The following EI24 variants were observed in gnomAD, a reference collection of about 807,000 sequenced individuals.
EI24 encodes etoposide-induced protein 2.4 homolog.
EI24 carries 21 observed loss-of-function variants against 48.6 expected under a neutral mutation model. That is an observed-to-expected ratio of 0.43 (90% CI 0.31 to 0.62). The LOEUF is 0.62. Among genes scored for constraint, EI24 ranks in the 20% least tolerant of loss-of-function variants. The pLI, the probability that EI24 is intolerant of heterozygous loss-of-function variation, is 0.10. For missense variants in EI24, 280 were observed against 410.5 expected, an observed-to-expected ratio of 0.68 and a Z score of 2.75; for synonymous variants, 114 against 145.5, an observed-to-expected ratio of 0.78 and a Z score of 1.56.
At chr11:125,580,018 G>C in intron 7 of EI24, 75 bp from the exon 8 acceptor site, 2 of 1,178,922 alleles carry the variant, frequency 1.7e-6, no homozygotes, top group Non-Finnish European at 2.5e-6. Context: ...CTCAGACAGT[G>C]ATTGGAGAGT....
intron 10 of EI24, among the ~76,000 whole-genome samples, chr11:125,583,320 A>G (rs1939092121): frequency 1.3e-5 from 2 of 152,208 alleles, no homozygotes; most frequent in Admixed American, 6.5e-5. Flanking sequence ...CTGGGATTAC[A>G]GGTATGAGGC....
chr11:125,583,455 T>C (rs1425356722), intron 10 of EI24, 66 bp from the exon 11 acceptor site: 38 of 1,335,664 alleles, frequency 2.8e-5, no homozygotes, highest in Non-Finnish European at 3.5e-5. Context: ...TAATGTCAAG[T>C]TGTCAAACAA....
intron 4 of EI24, among the ~76,000 whole-genome samples, chr11:125,576,959 G>A (rs185919157): frequency 2.6e-5 from 4 of 152,212 alleles, no homozygotes; most frequent in Admixed American, 6.5e-5. Flanking sequence ...TACTTGAAAT[G>A]TTCCTGTATG....
chr11:125,575,651 TC>T (rs541779656), intron 3 of EI24, among the ~76,000 whole-genome samples: 85 of 152,316 alleles, frequency 5.6e-4, no homozygotes, highest in African/African-American at 2.0e-3. Flanking sequence ...GATAGATACT[TC>T]TAGGGAAGCC....
chr11:125,575,319 C>T lies in EI24; in HGVS notation c.99C>T (p.Ile33=). Residue 33 remains isoleucine, a synonymous_variant, in exon 3 of 11, where the codon ATC becomes ATT. Transcript: ENST00000278903. ...ICTISKLDAR[I]QQKREEQRRR... Reference sequence around the variant, plus strand: ...CCATCTCAAAGCTAGATGCTCGAATCCAGCAAAAGAGAGAGGAGCAGCGTC... The same window carrying T: ...CCATCTCAAAGCTAGATGCTCGAATTCAGCAAAAGAGAGAGGAGCAGCGTC... The T allele has an allele frequency of 6.4e-7, 1 of 1,566,226 alleles. No homozygotes were observed. Among genetic ancestry groups the T allele is most frequent in the East Asian group, 2.4e-5 (1 of 42,124 alleles).
In EI24 at chr11:125,583,997, T is replaced by C. The variant is rs1591363113; in HGVS notation, c.*314T>C. On this transcript the variant is annotated 3_prime_UTR_variant, in exon 11 of 11. Coordinates refer to ENST00000278903, the MANE Select transcript of EI24 (RefSeq NM_004879.5). ...ACACTTTGTTTTTCTCCCTGTGCCA[T>C]TTACCCTTCCACCTTTCCATCCTGC... 3.3e-6 allele frequency: 1 copy of C among 305,736 alleles called. No individual in the cohort carries two copies. Among genetic ancestry groups the C allele is most frequent in the Non-Finnish European group, 6.2e-6 (1 of 160,620 alleles). The allele number at this position is 305,736 out of a possible 1,614,324, so 18.9% of individuals were successfully genotyped here.
At position 125,579,663 on chromosome 11, in the gene EI24, CT is replaced by C. The variant is rs1938910178; in HGVS notation, c.562-429del. 2.6e-5 allele frequency among the ~76,000 whole-genome samples: 4 copies of C among 152,138 alleles called. No individual in the cohort carries two copies. In the South Asian group the frequency reaches 8.3e-4, roughly 32 times the overall value. On this transcript the variant is annotated intron_variant, in intron 7 of 10. Coordinates refer to ENST00000278903, the MANE Select transcript of EI24 (RefSeq NM_004879.5). Reference sequence around the variant, plus strand: ...GCCTGGGCGACAAGAGCAAAACTGTCTCAAAAATAAATAAATAAATAAAAGA... The same window carrying C: ...GCCTGGGCGACAAGAGCAAAACTGTCCAAAAATAAATAAATAAATAAAAGA...
intron 1 of EI24, 146 bp downstream of exon 1, chr11:125,569,719 G>A (rs1938458736): frequency 3.2e-6 from 1 of 317,328 alleles, no homozygotes; most frequent in South Asian, 1.6e-4. Flanking sequence ...CGGAGGGAGC[G>A]GGACGGGGCC....
intron 3 of EI24, 66 bp downstream of exon 3, chr11:125,575,474 T>G (rs1938702510): frequency 2.8e-6 from 4 of 1,417,164 alleles, no homozygotes; most frequent in Non-Finnish European, 3.7e-6. Context: ...TGACTTGATG[T>G]TTCAGTGCCA....
intron 10 of EI24, among the ~76,000 whole-genome samples, chr11:125,582,876 G>A (rs1398559664): frequency 6.6e-6 from 1 of 152,148 alleles, no homozygotes; most frequent in African/African-American, 2.4e-5. Flanking sequence ...ACAGCTCACT[G>A]TTTATCTTAA....
At position 125,583,960 on chromosome 11, in the gene EI24, G is replaced by C; in HGVS notation, c.*277G>C. The C allele has an allele frequency of 2.3e-6, 1 of 426,148 alleles. No homozygotes were observed. Among genetic ancestry groups the C allele is most frequent in the East Asian group, 5.0e-5 (1 of 19,932 alleles). The allele number at this position is 426,148 out of a possible 1,614,324, so 26.4% of individuals were successfully genotyped here. A position where few individuals can be genotyped will look rare whatever the true frequency, so the allele number is the denominator to read the frequency against. ...CTAGCATTTGCCAGTCCCTGTGCCT[G>C]GACTGATTGGAACACTTTGTTTTTC... On this transcript the variant is annotated 3_prime_UTR_variant, in exon 11 of 11. Transcript: ENST00000278903.
At chr11:125,576,228 A>G in intron 3 of EI24, 27 bp from the exon 4 acceptor site, 1 of 1,606,846 alleles carries the variant, frequency 6.2e-7, no homozygotes. Flanking sequence ...TATGCTTTAT[A>G]AACTAAATAC....
chr11:125,581,324 T>C lies in EI24; in HGVS notation c.785+2T>C. On this transcript the variant is annotated splice_donor_variant, in intron 9 of 10. Transcript: ENST00000278903. LOFTEE classifies it high-confidence loss of function. ...AATGCAGTCCTCATATATTATCAGG[T>C]AATTTGGCTACAGGGATTTGAAGGA... is the stretch of plus-strand genomic sequence containing the variant. 1 of 1,586,898 alleles carries C rather than the reference T, an allele frequency of 6.3e-7. No homozygotes were observed. The highest frequency in any genetic ancestry group is 8.6e-7 in the Non-Finnish European group (1 of 1,160,276).
chr11:125,576,643 G>T (rs952903279), intron 4 of EI24, among the ~76,000 whole-genome samples: 1 of 152,210 alleles, frequency 6.6e-6, no homozygotes, highest in Non-Finnish European at 1.5e-5. Flanking sequence ...GACTCGGGAA[G>T]GGCAGATACG....
chr11:125,570,995 C>G (rs1938513921), intron 1 of EI24, among the ~76,000 whole-genome samples: 3 of 152,176 alleles, frequency 2.0e-5, no homozygotes, highest in Admixed American at 2.0e-4. Context: ...ACCCTAGAGA[C>G]TTCTATCCGA....
At chr11:125,577,024 G>A (rs903106273) in intron 4 of EI24, among the ~76,000 whole-genome samples, 8 of 152,114 alleles carry the variant, frequency 5.3e-5, no homozygotes, top group Non-Finnish European at 1.2e-4. Context: ...CTCTCAATTG[G>A]AGTGTTGGGA....
intron 8 of EI24, among the ~76,000 whole-genome samples, chr11:125,580,536 A>C (rs1261967339): frequency 1.3e-5 from 2 of 152,170 alleles, no homozygotes; most frequent in East Asian, 3.8e-4. Flanking sequence ...GTGTTTTAGA[A>C]AGACCTTCAG....
rs1938832689 is a variant in EI24 at position 125,578,244 on chromosome 11, C to T, written c.428C>T (p.Ala143Val). The T allele has an allele frequency of 6.2e-7, 1 of 1,613,896 alleles. No homozygotes were observed. Among genetic ancestry groups the T allele is most frequent in the African/African-American group, 1.3e-5 (1 of 75,006 alleles). The change falls in exon 6 of 11, where the codon GCC becomes GTC. Residue 143 changes from alanine to valine, a missense_variant. Around this residue, in one of 3 missense-constraint regions of EI24, gnomAD observed 204 missense variants for 294.1 expected, o/e 0.69. Transcript: ENST00000278903. Reference sequence around the variant, plus strand: ...TTTGTGCTTAGCAAAGTGGTGAATGCCATTTGGTTTCAGGTAGGTCCAGGG... The same window carrying T: ...TTTGTGCTTAGCAAAGTGGTGAATGTCATTTGGTTTCAGGTAGGTCCAGGG... ...PLFVLSKVVN[A>V]IWFQDIADLA...
chr11:125,575,000 A>C (rs1938680217), intron 2 of EI24, among the ~76,000 whole-genome samples: 1 of 152,112 alleles, frequency 6.6e-6, no homozygotes, highest in Non-Finnish European at 1.5e-5. Flanking sequence ...CTTAGGCAGG[A>C]GGATTGCTTG....
Sources: gnomAD v4.1 joint callset for allele counts (sites outside exome capture counted in the v4.1 genomes callset) on GRCh38, gnomAD v4.1.1 for gene constraint, gnomAD v4.1.1 regional missense constraint, MANE v1.5 for transcripts, NCBI Gene and HGNC (gene_info 2026-07-23, HGNC 2026-07-21) for gene names.